The following SCTR variants were observed in gnomAD, a reference collection of about 807,000 sequenced individuals.
The protein encoded by SCTR is pancreatic secretin receptor.
In SCTR, 56 loss-of-function variants were observed where a neutral mutation model predicts 60.8. The observed-to-expected ratio is 0.92, with a 90% CI of 0.74 to 1.15. The LOEUF is 1.15. Among genes scored for constraint, SCTR ranks in the 50% most tolerant of loss-of-function variants. The probability of loss-of-function intolerance (pLI) is 0.00; values close to 1 mark genes in which losing one functional copy is unlikely to be tolerated. For synonymous variants in SCTR, 202 were observed against 217.0 expected (o/e 0.93, Z 0.61); for missense variants, 562 against 550.4 (o/e 1.02, Z -0.21).
At chr2:119,499,968 C>T (rs1469549761) in intron 1 of SCTR, among the ~76,000 whole-genome samples, 1 of 151,982 alleles carries the variant, frequency 6.6e-6, no homozygotes, top group African/African-American at 2.4e-5. Context: ...GGAACACATA[C>T]ATATACATAA....
At chr2:119,493,792 C>T (rs1301098492) in intron 2 of SCTR, among the ~76,000 whole-genome samples, 1 of 152,110 alleles carries the variant, frequency 6.6e-6, no homozygotes, top group South Asian at 2.1e-4. Flanking sequence ...CAGGCATGCG[C>T]CACCACGCCC....
At chr2:119,447,664 C>T (rs535285550) in intron 10 of SCTR, among the ~76,000 whole-genome samples, 2 of 152,316 alleles carry the variant, frequency 1.3e-5, no homozygotes, top group South Asian at 4.1e-4. Context: ...CTCTGCCTCC[C>T]AGGTTCAAGT....
At chr2:119,519,153 A>G (rs1248387351) in intron 1 of SCTR, among the ~76,000 whole-genome samples, 2 of 152,120 alleles carry the variant, frequency 1.3e-5, no homozygotes, top group Non-Finnish European at 2.9e-5. Flanking sequence ...TAGTAAAGAC[A>G]GGGTTTCTCC....
At chr2:119,510,400 C>T (rs955332718) in intron 1 of SCTR, among the ~76,000 whole-genome samples, 3 of 151,938 alleles carry the variant, frequency 2.0e-5, no homozygotes, top group South Asian at 2.1e-4. Flanking sequence ...AGGTGGTGAC[C>T]GGCAAAGAGG....
intron 9 of SCTR, among the ~76,000 whole-genome samples, chr2:119,451,478 C>G (rs1044814246): frequency 2.0e-5 from 3 of 152,182 alleles, no homozygotes; most frequent in African/African-American, 7.2e-5. Context: ...CACTCACAAG[C>G]TCCTGTCCAA....
chr2:119,510,783 A>G (rs563161852), intron 1 of SCTR, among the ~76,000 whole-genome samples: 145 of 152,014 alleles, frequency 9.5e-4, no homozygotes, highest in Non-Finnish European at 1.4e-3. Flanking sequence ...TTAAATTTGT[A>G]CTAGTACCAA....
At chr2:119,464,351 C>T (rs1461908919) in intron 5 of SCTR, 96 bp from the exon 6 acceptor site, 1 of 1,214,318 alleles carries the variant, frequency 8.2e-7, no homozygotes, top group African/African-American at 1.5e-5. Flanking sequence ...GAAACTGAGG[C>T]CCTAGACTTC....
At chr2:119,507,660 G>A (rs1364344395) in intron 1 of SCTR, among the ~76,000 whole-genome samples, 3 of 132,444 alleles carry the variant, frequency 2.3e-5, no homozygotes, top group African/African-American at 8.2e-5. Context: ...CCTCTTTCTC[G>A]TTCTTTTTTT....
chr2:119,446,974 C>A, intron 10 of SCTR, 89 bp from the exon 11 acceptor site: 1 of 1,286,416 alleles, frequency 7.8e-7, no homozygotes, highest in Non-Finnish European at 1.0e-6. Context: ...CTCCCCAGCT[C>A]GGGACTGACT....
intron 1 of SCTR, among the ~76,000 whole-genome samples, chr2:119,507,684 T>TTTC (rs1672167703): frequency 6.9e-6 from 1 of 144,682 alleles, no homozygotes; most frequent in Non-Finnish European, 1.5e-5. Context: ...TTTTTTCTTT[T>TTTC]TTTTTTTTTG....
At chr2:119,517,646 G>A (rs1447367540) in intron 1 of SCTR, among the ~76,000 whole-genome samples, 1 of 152,190 alleles carries the variant, frequency 6.6e-6, no homozygotes, top group Non-Finnish European at 1.5e-5. Context: ...GGGGCAGAGA[G>A]CAGAGGGCTA....
chr2:119,522,164 C>T (rs926653179), intron 1 of SCTR, among the ~76,000 whole-genome samples: 10 of 152,126 alleles, frequency 6.6e-5, no homozygotes, highest in Non-Finnish European at 1.3e-4. Flanking sequence ...AGCATGGTGG[C>T]ACATGCCTGT....
At position 119,489,354 on chromosome 2, in the gene SCTR, T is replaced by C. The variant is rs550423096; in HGVS notation, c.193+5074A>G. Among the ~76,000 whole-genome samples the C allele has an allele frequency of 1.3e-4, 20 of 152,302 alleles. No homozygotes were observed. In the East Asian group the frequency reaches 2.9e-3, roughly 22 times the overall value. On this transcript the variant is annotated intron_variant, in intron 2 of 12. Transcript: ENST00000019103. ...CTCCTTGGGGCCAGCTGTCTTTTGT[T>C]TTATCCTTTCTCCCTGCTCTCAGTC...
At position 119,524,185 on chromosome 2, in the gene SCTR, C is replaced by G. The variant is rs1419524922; in HGVS notation, c.42G>C (p.Leu14=). 1.3e-6 allele frequency: 2 copies of G among 1,529,568 alleles called. No individual in the cohort carries two copies. The highest frequency in any genetic ancestry group is 4.1e-5 in the Admixed American group (2 of 49,246). The allele number at this position is 1,529,568 out of a possible 1,614,324, so 94.7% of individuals were successfully genotyped here. ...GCGCGGCGCAGGCGAGCAGCACCGG[C>G]AGTAGTAGCTGCTGCAGCGGCGGCG... The part of the protein sequence containing the change: ...HLSPPLQQLL[L]PVLLACAAHS... Residue 14 remains leucine, a synonymous_variant, in exon 1 of 13, where the codon CTG becomes CTC. Coordinates refer to ENST00000019103, the MANE Select transcript of SCTR (RefSeq NM_002980.3).
intron 4 of SCTR, among the ~76,000 whole-genome samples, chr2:119,471,547 C>T (rs2587699): frequency 0.8 from 121,262 of 152,146 alleles, 48,913 homozygotes; most frequent in East Asian, 0.87. Context: ...TGATGCGCTA[C>T]AGAGAGAGGG....
rs563519461 is a variant in SCTR, at chr2:119,463,454, C to T, written c.636+669G>A. On this transcript the variant is annotated intron_variant, in intron 6 of 12. Transcript: ENST00000019103. ...TATAAAGCATGACATCAAAGGCCTA[C>T]TCTAAGGATGGCAGTGCGGAAACAG... 1.5e-4 allele frequency among the ~76,000 whole-genome samples: 23 copies of T among 152,322 alleles called. No homozygotes were observed. In the South Asian group the frequency reaches 1.9e-3, roughly 12 times the overall value.
At chr2:119,520,167 A>AC (rs1409311242) in intron 1 of SCTR, among the ~76,000 whole-genome samples, 7 of 149,954 alleles carry the variant, frequency 4.7e-5, no homozygotes, top group African/African-American at 1.8e-4. Flanking sequence ...CCAGGTACAC[A>AC]AAAAAAATCC....
intron 2 of SCTR, chr2:119,479,244 C>T: frequency 9.3e-7 from 1 of 1,071,466 alleles, no homozygotes. Flanking sequence ...GATGGCACAT[C>T]TGTTGGCCAA....
chr2:119,491,027 T>G (rs929199007), intron 2 of SCTR, among the ~76,000 whole-genome samples: 3 of 152,180 alleles, frequency 2.0e-5, no homozygotes, highest in African/African-American at 7.2e-5. Flanking sequence ...CTTCCCTGTC[T>G]CGGTTCCCAG....
Sources: allele counts gnomAD v4.1 joint callset (sites outside exome capture counted in the v4.1 genomes callset), GRCh38; gene constraint gnomAD v4.1.1; transcripts MANE v1.5; gene names NCBI Gene and HGNC (gene_info 2026-07-23, HGNC 2026-07-21).